RBFOX1: variants seen among roughly 807,000 people sequenced by gnomAD.
RBFOX1 encodes the protein RNA binding fox-1 homolog 1.
In RBFOX1, 8 loss-of-function variants were observed where a neutral mutation model predicts 57.7. That is an observed-to-expected ratio of 0.14 (90% confidence interval 0.08 to 0.25). RBFOX1 has a LOEUF of 0.25. Ranked by LOEUF, RBFOX1 falls within the 10% of genes least tolerant of loss-of-function variation. The pLI is 1.00. For synonymous variants in RBFOX1, 326 were observed against 222.4 expected (o/e 1.47, Z -4.15); for missense variants, 611 against 548.5 (o/e 1.11, Z -1.14).
At chr16:7,504,787 T>TTATATATATATTTA (rs2072607561) in intron 4 of RBFOX1, among the ~76,000 whole-genome samples, 2 of 9,370 alleles carry the variant, frequency 2.1e-4, no homozygotes, top group Non-Finnish European at 5.5e-4. Flanking sequence ...ATATATATAT[T>TTATATATATATTTA]TATATATATA....
intron 2 of RBFOX1, among the ~76,000 whole-genome samples, chr16:5,499,683 C>A (rs1489275141): frequency 6.6e-6 from 1 of 152,054 alleles, no homozygotes; most frequent in Non-Finnish European, 1.5e-5. Flanking sequence ...AGCCATTCTC[C>A]TGTCTTAGTC....
At chr16:7,623,249 C>T (rs928950144) in intron 10 of RBFOX1, among the ~76,000 whole-genome samples, 2 of 152,282 alleles carry the variant, frequency 1.3e-5, no homozygotes, top group Non-Finnish European at 2.9e-5. Context: ...AGTTTTTCCA[C>T]GGGTCGGGTA....
rs142729876 is a variant in RBFOX1 at position 6,718,871 on chromosome 16, C to A, written c.-16+64221C>A. Among the ~76,000 whole-genome samples, 113 of 151,826 alleles carry A rather than the reference C, an allele frequency of 7.4e-4. 4 individuals carry two copies. In the East Asian group the frequency reaches 0.019, roughly 25 times the overall value. On this transcript the variant is annotated intron_variant, in intron 3 of 15. Transcript: ENST00000550418. ...CTTATCTTTTTTTTTGTTGTTGTTG[C>A]TTGTTTTTTGAGACAGAGTCTTGTA...
At chr16:6,212,382 C>G (rs1299906609) in intron 1 of RBFOX1, among the ~76,000 whole-genome samples, 2 of 150,640 alleles carry the variant, frequency 1.3e-5, no homozygotes, top group Non-Finnish European at 2.9e-5. Flanking sequence ...CAGATAGGTA[C>G]ACATATATGT....
chr16:5,407,786 C>A (rs752294096), intron 1 of RBFOX1, among the ~76,000 whole-genome samples: 5 of 152,152 alleles, frequency 3.3e-5, no homozygotes, highest in Admixed American at 6.5e-5. Context: ...TGACCTCAAA[C>A]GATCCAACTG....
At chr16:5,314,240 C>T (rs1011258038) in intron 1 of RBFOX1, among the ~76,000 whole-genome samples, 2 of 152,156 alleles carry the variant, frequency 1.3e-5, no homozygotes, top group Non-Finnish European at 2.9e-5. Context: ...ACCCAACTTG[C>T]GAATGCATGT....
intron 2 of RBFOX1, among the ~76,000 whole-genome samples, chr16:6,529,436 G>A (rs1598981678): frequency 6.6e-6 from 1 of 152,000 alleles, no homozygotes; most frequent in African/African-American, 2.4e-5. Flanking sequence ...GCACACACCT[G>A]TAATCCCGGC....
intron 14 of RBFOX1, chr16:7,693,415 C>A: frequency 1.4e-5 from 14 of 973,476 alleles, no homozygotes; most frequent in South Asian, 2.3e-5. Flanking sequence ...GTCTCAGTAT[C>A]CTTTTTTTTT....
chr16:7,243,740 G>A (rs569219548), intron 4 of RBFOX1, among the ~76,000 whole-genome samples: 1 of 152,004 alleles, frequency 6.6e-6, no homozygotes, highest in African/African-American at 2.4e-5. Context: ...GGTGGAGACA[G>A]GGTTTCGCTG....
At chr16:7,291,868 T>C (rs150018953) in intron 4 of RBFOX1, among the ~76,000 whole-genome samples, 1 of 146,546 alleles carries the variant, frequency 6.8e-6, no homozygotes, top group East Asian at 2.0e-4. Flanking sequence ...GCCATTACTA[T>C]ATTACTATAT....
chr16:6,350,860 C>T (rs1315184604), intron 2 of RBFOX1, among the ~76,000 whole-genome samples: 1 of 152,132 alleles, frequency 6.6e-6, no homozygotes, highest in Admixed American at 6.5e-5. Flanking sequence ...GGGATTTGAA[C>T]CAGGGTCTGA....
intron 5 of RBFOX1, among the ~76,000 whole-genome samples, chr16:7,555,789 A>G (rs559519155): frequency 8.7e-4 from 133 of 152,272 alleles, no homozygotes; most frequent in African/African-American, 3.1e-3. Context: ...TCACCTTCAT[A>G]AAAGCCATCC....
chr16:6,613,734 T>A (rs1391273491), intron 2 of RBFOX1, among the ~76,000 whole-genome samples: 1 of 152,186 alleles, frequency 6.6e-6, no homozygotes, highest in Admixed American at 6.5e-5. Context: ...GCCAAGCGTT[T>A]GAGACCGGCC....
rs570499880 is a variant in RBFOX1, at chr16:7,571,928, A to C, written c.271-7849A>C. ...TGGATCACCTGAGGTCAGGAGTTTG[A>C]GACCAGCCTGGCCAACATGATGAAA... is the stretch of plus-strand genomic sequence containing the variant. On this transcript the variant is annotated intron_variant, in intron 5 of 15. Transcript: ENST00000550418. Among the ~76,000 whole-genome samples the C allele has an allele frequency of 5.9e-5, 9 of 152,312 alleles. No individual in the cohort carries two copies. In the South Asian group the frequency reaches 1.9e-3, roughly 32 times the overall value.
At chr16:6,354,540 A>C (rs563476779) in intron 2 of RBFOX1, among the ~76,000 whole-genome samples, 3 of 152,094 alleles carry the variant, frequency 2.0e-5, no homozygotes, top group Non-Finnish European at 4.4e-5. Context: ...CAAGATCAGG[A>C]CCAAACTCCT....
chr16:6,157,275 G>A (rs189378991), intron 1 of RBFOX1, among the ~76,000 whole-genome samples: 1 of 152,200 alleles, frequency 6.6e-6, no homozygotes, highest in African/African-American at 2.4e-5. Context: ...CAGCAAACAG[G>A]TGGCCAAGGT....
chr16:7,562,791 GC>G (rs2152691813), intron 5 of RBFOX1, among the ~76,000 whole-genome samples: 1 of 152,342 alleles, frequency 6.6e-6, no homozygotes, highest in East Asian at 1.9e-4. Flanking sequence ...CCTACAAACT[GC>G]TGGAGAGTTT....
chr16:7,401,272 TA>T (rs2098238527), intron 4 of RBFOX1, among the ~76,000 whole-genome samples: 1 of 152,232 alleles, frequency 6.6e-6, no homozygotes, highest in African/African-American at 2.4e-5. Context: ...CAAAAATATA[TA>T]GAGAAAAAGG....
intron 2 of RBFOX1, among the ~76,000 whole-genome samples, chr16:5,518,410 C>G (rs2043875391): frequency 6.6e-6 from 1 of 152,158 alleles, no homozygotes; most frequent in African/African-American, 2.4e-5. Context: ...ATCCCCTCTG[C>G]TTTTTCCCAT....
Sources: allele counts gnomAD v4.1 joint callset (sites outside exome capture counted in the v4.1 genomes callset), GRCh38; gene constraint gnomAD v4.1.1; transcripts MANE v1.5; gene names NCBI Gene and HGNC (gene_info 2026-07-23, HGNC 2026-07-21).